DOCK1: variants seen among roughly 807,000 people sequenced by gnomAD.
DOCK1 encodes the protein dedicator of cytokinesis 1, also known as dedicator of cytokinesis protein 1.
Under a neutral mutation model 262.7 loss-of-function variants are expected in DOCK1, and 138 were observed. That is an observed-to-expected ratio of 0.53 (90% CI 0.46 to 0.61). DOCK1 has a LOEUF of 0.61. Ranked by LOEUF, DOCK1 falls within the 20% of genes least tolerant of loss-of-function variation. DOCK1 has a pLI of 0.00. For missense variants in DOCK1, 1,908 were observed against 2,370.7 expected (o/e 0.80, Z 4.05); for synonymous variants, 866 against 867.4 (o/e 1.00, Z 0.03).
chr10:127,026,855 A>G (rs915799144), intron 16 of DOCK1, among the ~76,000 whole-genome samples: 14 of 152,174 alleles, frequency 9.2e-5, no homozygotes, highest in Non-Finnish European at 1.8e-4. Flanking sequence ...TCTCATAGAC[A>G]TTTTTGTGAA....
At chr10:127,073,954 C>G (rs1272747578) in intron 23 of DOCK1, among the ~76,000 whole-genome samples, 1 of 152,152 alleles carries the variant, frequency 6.6e-6, no homozygotes. Context: ...GTTCTGCCAG[C>G]ATGCCAAGTA....
At chr10:127,051,417 G>A (rs908946412) in intron 21 of DOCK1, among the ~76,000 whole-genome samples, 27 of 152,006 alleles carry the variant, frequency 1.8e-4, no homozygotes, top group Non-Finnish European at 2.9e-4. Context: ...CTATTTGAAA[G>A]ACCATTTGTA....
At chr10:127,351,283 G>A (rs941239251) in intron 31 of DOCK1, among the ~76,000 whole-genome samples, 4 of 152,080 alleles carry the variant, frequency 2.6e-5, no homozygotes, top group Non-Finnish European at 4.4e-5. Context: ...GGCAGAGCAC[G>A]GTGACCCCAG....
intron 23 of DOCK1, among the ~76,000 whole-genome samples, chr10:127,092,152 C>A (rs766577264): frequency 6.6e-6 from 1 of 152,170 alleles, no homozygotes; most frequent in African/African-American, 2.4e-5. Flanking sequence ...CCCATCACTG[C>A]GGAAAGTTCT....
At chr10:127,179,054 AAG>A (rs1269348125) in intron 27 of DOCK1, among the ~76,000 whole-genome samples, 1 of 152,184 alleles carries the variant, frequency 6.6e-6, no homozygotes, top group South Asian at 2.1e-4. Context: ...GAAAATTTGA[AAG>A]AGAGAGCATT....
At chr10:127,268,526 G>A (rs10829670) in intron 29 of DOCK1, among the ~76,000 whole-genome samples, 40,975 of 108,322 alleles carry the variant, frequency 0.38, 7,192 homozygotes, top group South Asian at 0.6. Context: ...AAAAAAAGAA[G>A]AGGAAAGAAA....
At chr10:127,019,079 G>C (rs1227544517) in intron 13 of DOCK1, 1 of 508,676 alleles carries the variant, frequency 2.0e-6, no homozygotes, top group Non-Finnish European at 3.3e-6. Context: ...ATTGTGTGAG[G>C]GGGGCGTGGG....
chr10:127,045,342 A>AATTTGCAT (rs1346393480), intron 21 of DOCK1, among the ~76,000 whole-genome samples: 3 of 152,136 alleles, frequency 2.0e-5, no homozygotes, highest in African/African-American at 7.2e-5. Context: ...CAGCAGCCTG[A>AATTTGCAT]ATTTGCATGT....
intron 47 of DOCK1, among the ~76,000 whole-genome samples, chr10:127,431,429 C>T (rs1025371517): frequency 2.0e-5 from 3 of 152,238 alleles, no homozygotes; most frequent in Admixed American, 6.5e-5. Context: ...AATCCATACT[C>T]ACACATCTCA....
intron 16 of DOCK1, among the ~76,000 whole-genome samples, chr10:127,027,607 A>G (rs977564080): frequency 2.3e-4 from 2 of 8,832 alleles, no homozygotes; most frequent in African/African-American, 1.8e-3. Flanking sequence ...GCAAAACAAA[A>G]AAAACATTAA....
At chr10:127,376,583 C>T (rs1200799870) in intron 35 of DOCK1, among the ~76,000 whole-genome samples, 1 of 152,206 alleles carries the variant, frequency 6.6e-6, no homozygotes, top group Non-Finnish European at 1.5e-5. Context: ...AATTTGTTGT[C>T]ATGGTGCCAA....
chr10:127,158,240 T>C (rs2053267029), intron 27 of DOCK1, among the ~76,000 whole-genome samples: 1 of 152,240 alleles, frequency 6.6e-6, no homozygotes, highest in Non-Finnish European at 1.5e-5. Context: ...AAACAGTACT[T>C]TGAATGATTC....
At chr10:127,253,719 T>TA (rs561542069) in intron 28 of DOCK1, among the ~76,000 whole-genome samples, 2 of 151,260 alleles carry the variant, frequency 1.3e-5, no homozygotes, top group Non-Finnish European at 2.9e-5. Flanking sequence ...ACAAAAAATA[T>TA]AAAAAAATAG....
chr10:127,312,399 A>G (rs1361839099), intron 29 of DOCK1, among the ~76,000 whole-genome samples: 1 of 152,124 alleles, frequency 6.6e-6, no homozygotes, highest in Non-Finnish European at 1.5e-5. Flanking sequence ...CAAACACAAG[A>G]GATCTGGGCT....
chr10:127,323,250 A>G (rs2062614581), intron 29 of DOCK1, among the ~76,000 whole-genome samples: 1 of 152,108 alleles, frequency 6.6e-6, no homozygotes, highest in Non-Finnish European at 1.5e-5. Context: ...AGGAGACATT[A>G]TCTTCCCCGT....
chr10:127,378,189 T>C lies in DOCK1; in HGVS notation c.3676-1893T>C, dbSNP rs538715935. 5.7e-4 allele frequency among the ~76,000 whole-genome samples: 48 copies of C among 84,526 alleles called. 4 individuals carry two copies. In the South Asian group the frequency reaches 0.018, roughly 31 times the overall value. The allele number at this position is 84,526 out of a possible 152,430, so 55.5% of individuals were successfully genotyped here. ...TTACTTTGCACATGCCAGTTACTTC[T>C]CTTCATAGCCCCTTGGCAAGGCTAA... On this transcript the variant is annotated intron_variant, in intron 35 of 51. Transcript: ENST00000623213.
chr10:126,996,689 T>C, intron 6 of DOCK1, 59 bp from the exon 7 acceptor site: 2 of 1,496,832 alleles, frequency 1.3e-6, no homozygotes, highest in Non-Finnish European at 1.8e-6. Context: ...GAAGTTGTGC[T>C]AGAAAATTCA....
At chr10:127,319,927 G>A (rs1048700538) in intron 29 of DOCK1, among the ~76,000 whole-genome samples, 3 of 152,200 alleles carry the variant, frequency 2.0e-5, no homozygotes, top group African/African-American at 7.2e-5. Context: ...CCTTTGTCCA[G>A]TGGTCCACTT....
At chr10:127,190,281 C>T (rs539446841) in intron 27 of DOCK1, among the ~76,000 whole-genome samples, 45 of 152,290 alleles carry the variant, frequency 3.0e-4, no homozygotes, top group African/African-American at 7.2e-4. Flanking sequence ...CATGGCCAGA[C>T]GTCAGTACTG....
Sources: allele counts gnomAD v4.1 joint callset (sites outside exome capture counted in the v4.1 genomes callset), GRCh38; gene constraint gnomAD v4.1.1; transcripts MANE v1.5; gene names NCBI Gene and HGNC (gene_info 2026-07-23, HGNC 2026-07-21).